Variants in DLG2 observed in about 807,000 individuals in gnomAD.
DLG2 encodes discs large MAGUK scaffold protein 2.
DLG2 carries 45 observed loss-of-function variants against 132.5 expected under a neutral mutation model. That is an observed-to-expected ratio of 0.34 (90% CI 0.27 to 0.44). The LOEUF (loss-of-function observed/expected upper bound fraction) is 0.44, where lower values mean the gene tolerates loss of function less well. Ranked by LOEUF, DLG2 falls within the 20% of genes least tolerant of loss-of-function variation. The pLI, the probability that DLG2 is intolerant of heterozygous loss-of-function variation, is 1.00. For missense variants in DLG2, 1,045 were observed against 1,196.9 expected (o/e 0.87, Z 1.87); for synonymous variants, 424 against 419.6 (o/e 1.01, Z -0.13).
intron 7 of DLG2, among the ~76,000 whole-genome samples, chr11:84,284,511 A>T (rs1483894476): frequency 2.6e-5 from 4 of 152,266 alleles, no homozygotes; most frequent in Non-Finnish European, 5.9e-5. Flanking sequence ...TCATATGCCC[A>T]GTACTATAAG....
intron 18 of DLG2, among the ~76,000 whole-genome samples, chr11:83,758,663 A>C (rs2093760373): frequency 6.6e-6 from 1 of 152,314 alleles, no homozygotes; most frequent in South Asian, 2.1e-4. Flanking sequence ...CTTTGAGATT[A>C]AATGAAAAAA....
chr11:84,826,705 A>T (rs2078369683), intron 6 of DLG2, among the ~76,000 whole-genome samples: 1 of 151,702 alleles, frequency 6.6e-6, no homozygotes, highest in Non-Finnish European at 1.5e-5. Flanking sequence ...TTGATTGCAT[A>T]GAGGGCACAC....
rs537713515 is a variant in DLG2 at position 84,803,592 on chromosome 11, A to G, written c.358-268861T>C. The stretch of plus-strand genomic sequence containing the variant: ...ACACCTTACACTACATGACTACCCT[A>G]TGAAATATCTGAAATGAAACTATGA... On this transcript the variant is annotated intron_variant, in intron 6 of 27. Coordinates refer to ENST00000376104, the MANE Select transcript of DLG2 (RefSeq NM_001142699.3). Among the ~76,000 whole-genome samples, 36 of 152,334 alleles carry G rather than the reference A, an allele frequency of 2.4e-4. No homozygotes were observed. In the East Asian group the frequency reaches 6.2e-3, roughly 26 times the overall value.
intron 6 of DLG2, among the ~76,000 whole-genome samples, chr11:84,765,317 C>A (rs76605078): frequency 0.018 from 2,685 of 152,146 alleles, 59 homozygotes; most frequent in African/African-American, 0.053. Flanking sequence ...TTTGTCTTAG[C>A]AGGCTGAGCA....
intron 16 of DLG2, among the ~76,000 whole-genome samples, chr11:83,871,634 A>C (rs183501835): frequency 5.3e-5 from 1 of 18,962 alleles, no homozygotes; most frequent in Admixed American, 4.0e-4. Flanking sequence ...CTTTCCCACT[A>C]TGTGCACGTT....
At chr11:83,577,954 G>C (rs1345151219) in intron 19 of DLG2, among the ~76,000 whole-genome samples, 1 of 103,258 alleles carries the variant, frequency 9.7e-6, no homozygotes, top group Admixed American at 1.2e-4. Context: ...TTAATATTTT[G>C]TATTTATATT....
intron 4 of DLG2, among the ~76,000 whole-genome samples, chr11:85,243,685 G>A (rs2076002974): frequency 2.0e-5 from 3 of 151,890 alleles, no homozygotes; most frequent in Admixed American, 2.0e-4. Context: ...AACAAATAAA[G>A]AGCATATTAA....
intron 3 of DLG2, among the ~76,000 whole-genome samples, chr11:85,568,012 A>G (rs1470828074): frequency 6.7e-6 from 1 of 148,724 alleles, no homozygotes; most frequent in East Asian, 2.0e-4. Context: ...ATGTGCTACT[A>G]GATTTTTTTT....
At chr11:84,264,964 C>T (rs2097597000) in intron 7 of DLG2, among the ~76,000 whole-genome samples, 1 of 152,162 alleles carries the variant, frequency 6.6e-6, no homozygotes, top group African/African-American at 2.4e-5. Context: ...TAATGAGAAT[C>T]GTATGATTCC....
intron 11 of DLG2, among the ~76,000 whole-genome samples, chr11:84,030,576 T>C (rs34031804): frequency 0.022 from 3,403 of 152,226 alleles, 68 homozygotes; most frequent in Middle Eastern, 0.034. Context: ...ATCTGTACTC[T>C]CTTAAAGGGG....
At chr11:83,947,499 T>G (rs903232722) in intron 14 of DLG2, among the ~76,000 whole-genome samples, 8 of 152,184 alleles carry the variant, frequency 5.3e-5, no homozygotes, top group African/African-American at 1.9e-4. Flanking sequence ...CCGCATTCAC[T>G]TCTTAACCTC....
chr11:83,465,462 G>A (rs929623861), intron 26 of DLG2, among the ~76,000 whole-genome samples: 2 of 152,012 alleles, frequency 1.3e-5, no homozygotes, highest in Non-Finnish European at 2.9e-5. Context: ...AGTACTCTGT[G>A]GTTCACTCCT....
chr11:83,821,151 A>G lies in DLG2; in HGVS notation c.1722+12463T>C, dbSNP rs117752317. On this transcript the variant is annotated intron_variant, in intron 17 of 27. Coordinates refer to ENST00000376104, the MANE Select transcript of DLG2 (RefSeq NM_001142699.3). ...CCTCCATACTAGCTGGAAAGTTCAC[A>G]TCTCATAACTCATGATATCTGCTGC... 1.8e-4 allele frequency among the ~76,000 whole-genome samples: 27 copies of G among 152,314 alleles called. 4 individuals carry two copies. In the East Asian group the frequency reaches 4.4e-3, roughly 25 times the overall value.
At chr11:85,032,041 G>A (rs187562562) in intron 6 of DLG2, among the ~76,000 whole-genome samples, 60 of 137,202 alleles carry the variant, frequency 4.4e-4, no homozygotes, top group African/African-American at 1.6e-3. Context: ...AACCTAAAGT[G>A]ATCTGCCCAC....
intron 6 of DLG2, among the ~76,000 whole-genome samples, chr11:84,934,324 T>C (rs1390366041): frequency 6.6e-6 from 1 of 151,942 alleles, no homozygotes; most frequent in East Asian, 1.9e-4. Context: ...AATATTGGCC[T>C]GAAGTTTTCT....
intron 6 of DLG2, among the ~76,000 whole-genome samples, chr11:84,662,547 G>T (rs1022781944): frequency 1.3e-5 from 2 of 150,434 alleles, no homozygotes; most frequent in African/African-American, 4.9e-5. Flanking sequence ...ACTTTGGGAG[G>T]CCAAGGAGGG....
chr11:85,545,066 CTGGTT>C (rs1005922931), intron 3 of DLG2, among the ~76,000 whole-genome samples: 32 of 152,268 alleles, frequency 2.1e-4, no homozygotes, highest in South Asian at 4.1e-4. Flanking sequence ...TTGTGTTGTG[CTGGTT>C]TTCAAAGGGA....
At chr11:84,163,533 G>A in intron 8 of DLG2, 22 bp from the exon 9 acceptor site, 1 of 1,583,180 alleles carries the variant, frequency 6.3e-7, no homozygotes, top group Non-Finnish European at 8.6e-7. Flanking sequence ...GAAAAAATAA[G>A]AAGAGAACTA....
intron 2 of DLG2, among the ~76,000 whole-genome samples, chr11:85,611,749 T>G (rs778391957): frequency 1.1e-4 from 17 of 152,336 alleles, no homozygotes; most frequent in Admixed American, 5.2e-4. Context: ...GAAAGGGAGT[T>G]CCTAACCTCT....
Sources: allele counts gnomAD v4.1 joint callset (sites outside exome capture counted in the v4.1 genomes callset), GRCh38; gene constraint gnomAD v4.1.1; transcripts MANE v1.5; gene names NCBI Gene and HGNC (gene_info 2026-07-23, HGNC 2026-07-21).